Variants in AGBL1 observed in about 807,000 individuals in gnomAD.
The protein encoded by AGBL1 is cytosolic carboxypeptidase 4.
Under a neutral mutation model 118.9 loss-of-function variants are expected in AGBL1, and 130 were observed. The ratio of observed to expected loss-of-function variants is 1.09; its 90% CI spans 0.95 to 1.26. The LOEUF (loss-of-function observed/expected upper bound fraction) is 1.26. Among genes scored for constraint, AGBL1 ranks in the 50% most tolerant of loss-of-function variants. The probability of loss-of-function intolerance (pLI) is 0.00; values close to 1 mark genes in which losing one functional copy is unlikely to be tolerated. For synonymous variants in AGBL1, 555 were observed against 478.9 expected (o/e 1.16, Z -2.08); for missense variants, 1,584 against 1,298.1 (o/e 1.22, Z -3.38).
chr15:86,190,238 G>T (rs1433083784), intron 5 of AGBL1, among the ~76,000 whole-genome samples: 2 of 151,896 alleles, frequency 1.3e-5, no homozygotes, highest in Non-Finnish European at 2.9e-5. Flanking sequence ...AATTTAAAAA[G>T]ATTTAAATAA....
intron 17 of AGBL1, among the ~76,000 whole-genome samples, chr15:86,372,942 A>C (rs1296419208): frequency 6.6e-6 from 1 of 152,080 alleles, no homozygotes; most frequent in Non-Finnish European, 1.5e-5. Flanking sequence ...GGATTCCAGA[A>C]GAGTAAATTT....
rs925747671 is a variant in AGBL1 at position 86,614,575 on chromosome 15, C to T, written c.2995-59698C>T. ...TTTGATTTGTAGTGTTTGCCAATCC[C>T]TCTGGTGTAAATATTCCTGTCATGG... On this transcript the variant is annotated intron_variant, in intron 21 of 22. Transcript: ENST00000614907. Among the ~76,000 whole-genome samples, 5 of 152,134 alleles carry T rather than the reference C, an allele frequency of 3.3e-5. No individual in the cohort carries two copies. The East Asian group carries it at 7.7e-4, about 24-fold the overall frequency.
chr15:86,735,655 G>GATATATATATATATATAT (rs61663652), intron 22 of AGBL1, among the ~76,000 whole-genome samples: 1 of 146,744 alleles, frequency 6.8e-6, no homozygotes, highest in Admixed American at 6.8e-5. Context: ...TACAAAGAGA[G>GATATATATATATATATAT]ATATATATAT....
chr15:86,146,375 T>A (rs776110011), intron 3 of AGBL1, among the ~76,000 whole-genome samples: 1 of 152,236 alleles, frequency 6.6e-6, no homozygotes, highest in African/African-American at 2.4e-5. Context: ...GGTCTGAGGA[T>A]GTGTGTAGAT....
At chr15:86,675,458 A>C (rs1307169202) in intron 22 of AGBL1, among the ~76,000 whole-genome samples, 2 of 152,160 alleles carry the variant, frequency 1.3e-5, no homozygotes, top group Non-Finnish European at 2.9e-5. Context: ...GATTACCTAA[A>C]TGCAGTAATT....
At chr15:86,667,443 A>C (rs12148815) in intron 21 of AGBL1, among the ~76,000 whole-genome samples, 63,580 of 151,866 alleles carry the variant, frequency 0.42, 13,770 homozygotes, top group East Asian at 0.72. Flanking sequence ...TCCTGACACT[A>C]CTACCCAAAA....
chr15:86,729,177 G>T (rs1238573290), intron 22 of AGBL1, among the ~76,000 whole-genome samples: 1 of 152,152 alleles, frequency 6.6e-6, no homozygotes, highest in Non-Finnish European at 1.5e-5. Flanking sequence ...AATAGATAAA[G>T]AGAACAATAG....
At chr15:86,542,003 G>T (rs2083504204) in intron 19 of AGBL1, among the ~76,000 whole-genome samples, 1 of 152,194 alleles carries the variant, frequency 6.6e-6, no homozygotes, top group Non-Finnish European at 1.5e-5. Context: ...ACTAGATTTG[G>T]CTGACTTCAT....
chr15:86,705,955 T>A (rs1225430670), intron 22 of AGBL1, among the ~76,000 whole-genome samples: 1 of 146,014 alleles, frequency 6.8e-6, no homozygotes, highest in Non-Finnish European at 1.5e-5. Flanking sequence ...CCATCTCTCT[T>A]ACTTCATCTT....
intron 22 of AGBL1, among the ~76,000 whole-genome samples, chr15:86,739,575 G>A (rs1299076252): frequency 1.3e-5 from 2 of 149,368 alleles, no homozygotes; most frequent in South Asian, 2.1e-4. Flanking sequence ...ACCATGATTT[G>A]CAATCTTCAA....
At chr15:86,558,032 T>C (rs8039076) in intron 21 of AGBL1, among the ~76,000 whole-genome samples, 92,046 of 151,908 alleles carry the variant, frequency 0.61, 28,623 homozygotes, top group East Asian at 0.77. Context: ...TGAGATCTCT[T>C]AGACCTGCCA....
chr15:87,029,327 T>G (rs28496451), downstream of AGBL1, among the ~76,000 whole-genome samples: 7,332 of 151,934 alleles, frequency 0.048, 586 homozygotes, highest in African/African-American at 0.17. Context: ...GATCACTTTC[T>G]GGAACATCCA....
At chr15:86,095,835 C>T (rs1896344143) in intron 1 of AGBL1, among the ~76,000 whole-genome samples, 1 of 151,884 alleles carries the variant, frequency 6.6e-6, no homozygotes, top group African/African-American at 2.4e-5. Context: ...CATCATGAGA[C>T]ATGGGCTTAA....
intron 22 of AGBL1, among the ~76,000 whole-genome samples, chr15:86,676,124 C>G (rs1288023588): frequency 6.6e-6 from 1 of 152,166 alleles, no homozygotes; most frequent in Non-Finnish European, 1.5e-5. Context: ...GACCTCTGAC[C>G]TTTCCTAGGC....
Position 86,753,663 on chromosome 15 carries a change from G to C in AGBL1, c.3158+79227G>C, listed in dbSNP as rs562694106. Among the ~76,000 whole-genome samples the C allele has an allele frequency of 4.6e-5, 7 of 152,196 alleles. No individual in the cohort carries two copies. The East Asian group carries it at 7.8e-4, about 17-fold the overall frequency. ...TCCACCCACCTTGGCCTCCCAAAGTGCTGGGAGTACAGGCGTAAGCCACTG... is the reference window on the plus strand; with the variant it reads ...TCCACCCACCTTGGCCTCCCAAAGTCCTGGGAGTACAGGCGTAAGCCACTG... On this transcript the variant is annotated intron_variant, in intron 22 of 22. Coordinates refer to ENST00000614907, the MANE Select transcript of AGBL1 (RefSeq NM_001386094.1).
chr15:86,569,163 G>A (rs1201540458), intron 21 of AGBL1, among the ~76,000 whole-genome samples: 1 of 152,184 alleles, frequency 6.6e-6, no homozygotes, highest in South Asian at 2.1e-4. Flanking sequence ...TGGGCGCAAT[G>A]GCTCATGCCT....
At chr15:86,328,002 G>A (rs541505094) in intron 17 of AGBL1, among the ~76,000 whole-genome samples, 5 of 152,256 alleles carry the variant, frequency 3.3e-5, no homozygotes, top group African/African-American at 1.2e-4. Context: ...AGCAAGCTTT[G>A]TTTTTAAGCC....
At chr15:86,212,742 C>A (rs1351744470) in intron 5 of AGBL1, among the ~76,000 whole-genome samples, 1 of 152,146 alleles carries the variant, frequency 6.6e-6, no homozygotes, top group Non-Finnish European at 1.5e-5. Context: ...CTCAGCCTCC[C>A]AGGTTCAAGC....
chr15:86,890,123 T>C (rs1260419408), intron 22 of AGBL1, among the ~76,000 whole-genome samples: 1 of 152,206 alleles, frequency 6.6e-6, no homozygotes, highest in African/African-American at 2.4e-5. Context: ...ACTGTGGTTT[T>C]GATTTGTATT....
Sources: allele counts gnomAD v4.1 joint callset (sites outside exome capture counted in the v4.1 genomes callset), GRCh38; gene constraint gnomAD v4.1.1; transcripts MANE v1.5; gene names NCBI Gene and HGNC (gene_info 2026-07-23, HGNC 2026-07-21).